The following ARFIP1 variants were observed in gnomAD, a reference collection of about 807,000 sequenced individuals.
ARFIP1 encodes arfaptin-1.
Under a neutral mutation model 42.5 loss-of-function variants are expected in ARFIP1, and 24 were observed. That is an observed-to-expected ratio of 0.57 (90% CI 0.41 to 0.80). The LOEUF (loss-of-function observed/expected upper bound fraction) is 0.80. Ranked by LOEUF, ARFIP1 falls within the 30% of genes least tolerant of loss-of-function variation. The pLI is 0.00. For missense variants in ARFIP1, 354 were observed against 434.0 expected, an observed-to-expected ratio of 0.82 and a Z score of 1.64; for synonymous variants, 141 against 153.7, an observed-to-expected ratio of 0.92 and a Z score of 0.61.
intron 2 of ARFIP1, among the ~76,000 whole-genome samples, chr4:152,855,224 A>G (rs1733328186): frequency 6.6e-6 from 1 of 152,016 alleles, no homozygotes; most frequent in Non-Finnish European, 1.5e-5. Context: ...TGCCAGTGGT[A>G]GTGGACTGGG....
chr4:152,813,294 A>G (rs1315462124), intron 1 of ARFIP1, among the ~76,000 whole-genome samples: 1 of 152,114 alleles, frequency 6.6e-6, no homozygotes, highest in Non-Finnish European at 1.5e-5. Flanking sequence ...TTTTGTATCC[A>G]TGGGATGGGG....
At chr4:152,834,018 CT>C (rs1370803213) in intron 2 of ARFIP1, among the ~76,000 whole-genome samples, 4 of 152,120 alleles carry the variant, frequency 2.6e-5, no homozygotes, top group Admixed American at 2.6e-4. Context: ...CCTCAGGGAG[CT>C]TTTACCCATG....
intron 1 of ARFIP1, among the ~76,000 whole-genome samples, chr4:152,812,915 A>C (rs1044887109): frequency 3.3e-5 from 5 of 151,934 alleles, no homozygotes; most frequent in African/African-American, 1.2e-4. Flanking sequence ...ACCTTTTTTC[A>C]TTCCCACAAC....
chr4:152,782,339 C>T (rs994732306), intron 1 of ARFIP1, among the ~76,000 whole-genome samples: 5 of 152,062 alleles, frequency 3.3e-5, no homozygotes, highest in African/African-American at 1.2e-4. Context: ...ATTGAAATCT[C>T]TCCTTTAAAA....
intron 2 of ARFIP1, among the ~76,000 whole-genome samples, chr4:152,856,136 T>A (rs1733411734): frequency 6.6e-6 from 1 of 152,200 alleles, no homozygotes; most frequent in Admixed American, 6.5e-5. Context: ...GCTTGAAAAG[T>A]TAGGTAATCA....
At chr4:152,879,603 A>G (rs887980302) in intron 5 of ARFIP1, among the ~76,000 whole-genome samples, 3 of 152,190 alleles carry the variant, frequency 2.0e-5, no homozygotes, top group African/African-American at 4.8e-5. Context: ...TAATCCCAGC[A>G]CTTTGGGAGG....
In ARFIP1 at chr4:152,904,198, A is replaced by ATATT. The variant is rs36085096; in HGVS notation, c.967-5865_967-5864insATTT. ...TGTGTGTGTATATATATATATATATATTTTTTTTTTTTTAACGGAGTCTCG... is the reference window on the plus strand; with the variant it reads ...TGTGTGTGTATATATATATATATATATATTTTTTTTTTTTTTTAACGGAGTCTCG... On this transcript the variant is annotated intron_variant, in intron 8 of 8. Transcript: ENST00000353617. Among the ~76,000 whole-genome samples, 225 of 126,670 alleles carry ATATT rather than the reference A, an allele frequency of 1.8e-3. 1 individual carries two copies. The highest frequency in any genetic ancestry group is 6.6e-3 in the African/African-American group (204 of 30,708). The allele number at this position is 126,670 out of a possible 152,430, so 83.1% of individuals were successfully genotyped here. A position where few individuals can be genotyped will look rare whatever the true frequency, so the allele number is the denominator to read the frequency against.
intron 1 of ARFIP1, among the ~76,000 whole-genome samples, chr4:152,786,370 TTTG>T (rs1369408011): frequency 6.6e-6 from 1 of 152,356 alleles, no homozygotes; most frequent in African/African-American, 2.4e-5. Context: ...TGGTTCTTTC[TTTG>T]TTCCTTTTTT....
At chr4:152,837,397 T>A (rs914051834) in intron 2 of ARFIP1, among the ~76,000 whole-genome samples, 2 of 152,224 alleles carry the variant, frequency 1.3e-5, no homozygotes, top group Non-Finnish European at 2.9e-5. Flanking sequence ...CCACTAGCAG[T>A]GGAGAAGTGT....
intron 8 of ARFIP1, among the ~76,000 whole-genome samples, chr4:152,893,560 T>C (rs1737048015): frequency 6.6e-6 from 1 of 152,188 alleles, no homozygotes; most frequent in African/African-American, 2.4e-5. Context: ...GATCTGAATG[T>C]ATCAGAAGAT....
intron 1 of ARFIP1, among the ~76,000 whole-genome samples, chr4:152,822,600 G>T (rs114134633): frequency 6.6e-6 from 1 of 152,238 alleles, no homozygotes; most frequent in Non-Finnish European, 1.5e-5. Context: ...CCCAGGAACC[G>T]CAGAATAAAC....
chr4:152,795,336 A>C (rs1731377263), intron 1 of ARFIP1, among the ~76,000 whole-genome samples: 1 of 152,132 alleles, frequency 6.6e-6, no homozygotes, highest in Admixed American at 6.5e-5. Context: ...TTCATATTAT[A>C]GAGATTTTCC....
At chr4:152,880,215 C>T (rs901897084) in intron 5 of ARFIP1, among the ~76,000 whole-genome samples, 15 of 151,912 alleles carry the variant, frequency 9.9e-5, no homozygotes, top group African/African-American at 9.7e-5. Flanking sequence ...TGGTGGCGCA[C>T]GCCTGTAATC....
At chr4:152,781,526 C>T (rs1290784663) in intron 1 of ARFIP1, among the ~76,000 whole-genome samples, 2 of 152,160 alleles carry the variant, frequency 1.3e-5, no homozygotes, top group African/African-American at 4.8e-5. Context: ...CGTGAGCCAC[C>T]GCGCCCGGCC....
Position 152,888,124 on chromosome 4 carries a change from T to G in ARFIP1, c.792-9T>G. 1 of 1,588,408 alleles carries G rather than the reference T, an allele frequency of 6.3e-7. No individual in the cohort carries two copies. The highest frequency in any genetic ancestry group is 1.2e-5 in the South Asian group (1 of 86,194). On this transcript the variant is annotated splice_polypyrimidine_tract_variant and intron_variant, in intron 7 of 8. Transcript: ENST00000353617. ...TTGTAGTATGCTTCACTTACTCTCT[T>G]CTTTCCAGGATTGAATATGATGCAT...
At chr4:152,810,485 T>A (rs908743302) in intron 1 of ARFIP1, 1 of 152,158 alleles carries the variant, frequency 6.6e-6, no homozygotes, top group Non-Finnish European at 1.5e-5. Context: ...CAATATGATG[T>A]TGTGCTGGTG....
intron 2 of ARFIP1, among the ~76,000 whole-genome samples, chr4:152,860,595 A>C (rs888697184): frequency 2.6e-5 from 4 of 152,212 alleles, no homozygotes; most frequent in African/African-American, 4.8e-5. Context: ...TTTTGCTTTC[A>C]ACTACTATTA....
intron 2 of ARFIP1, among the ~76,000 whole-genome samples, chr4:152,832,056 T>G (rs2149847964): frequency 6.6e-6 from 1 of 152,334 alleles, no homozygotes; most frequent in African/African-American, 2.4e-5. Context: ...AGTTTATGAT[T>G]ATTATGAATA....
chr4:152,785,145 A>G (rs1730725256), intron 1 of ARFIP1, among the ~76,000 whole-genome samples: 1 of 152,160 alleles, frequency 6.6e-6, no homozygotes, highest in Non-Finnish European at 1.5e-5. Flanking sequence ...TCACAATTTC[A>G]GCACATCTGT....
Sources: gnomAD v4.1 joint callset for allele counts (sites outside exome capture counted in the v4.1 genomes callset) on GRCh38, gnomAD v4.1.1 for gene constraint, MANE v1.5 for transcripts, NCBI Gene and HGNC (gene_info 2026-07-23, HGNC 2026-07-21) for gene names.